The following RANBP17 variants were observed in gnomAD, a reference collection of about 807,000 sequenced individuals.
RANBP17 encodes ran-binding protein 17.
In RANBP17, 158 loss-of-function variants were observed where a neutral mutation model predicts 141.2. That is an observed-to-expected ratio of 1.12 (90% CI 0.98 to 1.28). The LOEUF (loss-of-function observed/expected upper bound fraction) is 1.28. RANBP17 is among the 50% of genes most tolerant of loss of function. The pLI is 0.00. For missense variants in RANBP17, 1,438 were observed against 1,290.7 expected (o/e 1.11, Z -1.75); for synonymous variants, 430 against 450.0 (o/e 0.96, Z 0.56).
chr5:170,918,829 G>C lies in RANBP17; in HGVS notation c.1071G>C (p.Leu357Phe). The C allele has an allele frequency of 6.3e-7, 1 of 1,583,014 alleles. No homozygotes were observed. The highest frequency in any genetic ancestry group is 8.6e-7 in the Non-Finnish European group (1 of 1,162,554). Reference sequence around the variant, plus strand: ...AGGAATATCCTGAAGTTATTAGATTGATTGCTAATTTTACCATTACTAGCC... The same window carrying C: ...AGGAATATCCTGAAGTTATTAGATTCATTGCTAATTTTACCATTACTAGCC... ...MVKEYPEVIR[L>F]IANFTITSLQ... Residue 357 changes from leucine to phenylalanine, a missense_variant, in exon 10 of 28, where the codon TTG becomes TTC. Leu to Phe is a conservative substitution (Grantham distance 22). Transcript: ENST00000523189.
chr5:171,235,456 C>G (rs1764484039), intron 22 of RANBP17, among the ~76,000 whole-genome samples: 1 of 151,430 alleles, frequency 6.6e-6, no homozygotes, highest in Non-Finnish European at 1.5e-5. Context: ...TGTCTTTAAG[C>G]ACATAAGAGA....
chr5:171,290,298 G>A (rs1452626147), intron 25 of RANBP17, among the ~76,000 whole-genome samples: 1 of 152,066 alleles, frequency 6.6e-6, no homozygotes, highest in Non-Finnish European at 1.5e-5. Context: ...GAACCCGGGA[G>A]GCGGAGGTGC....
intron 14 of RANBP17, among the ~76,000 whole-genome samples, chr5:171,129,485 G>A (rs1005790849): frequency 2.0e-5 from 3 of 152,070 alleles, no homozygotes; most frequent in African/African-American, 7.2e-5. Flanking sequence ...CTTCAATCTG[G>A]CACTGTAGTC....
At position 171,060,595 on chromosome 5, in the gene RANBP17, G is replaced by A. The variant is rs575284598; in HGVS notation, c.1710+92218G>A. Among the ~76,000 whole-genome samples, 8 of 152,262 alleles carry A rather than the reference G, an allele frequency of 5.3e-5. No individual in the cohort carries two copies. The East Asian group carries it at 1.5e-3, about 29-fold the overall frequency. ...TTTTATTGAGGATTTTTGTATCAAT[G>A]TTCATCAAGGATATTGGTCTAAAAT... On this transcript the variant is annotated intron_variant, in intron 14 of 27. Coordinates refer to ENST00000523189, the MANE Select transcript of RANBP17 (RefSeq NM_022897.5).
At chr5:170,909,211 GAT>G (rs1255549485) in intron 5 of RANBP17, among the ~76,000 whole-genome samples, 3 of 151,812 alleles carry the variant, frequency 2.0e-5, no homozygotes, top group East Asian at 3.8e-4. Flanking sequence ...TAGTATCAAA[GAT>G]ATATGAACTA....
chr5:171,177,788 T>A (rs1168001703), intron 16 of RANBP17, among the ~76,000 whole-genome samples: 1 of 152,196 alleles, frequency 6.6e-6, no homozygotes, highest in Non-Finnish European at 1.5e-5. Context: ...GGTATGAATG[T>A]AATATAGTTT....
chr5:170,987,549 A>T (rs938840745), intron 14 of RANBP17, among the ~76,000 whole-genome samples: 1 of 151,666 alleles, frequency 6.6e-6, no homozygotes, highest in African/African-American at 2.4e-5. Context: ...TTTAAAAAAA[A>T]AATAATTTCT....
chr5:171,148,611 T>TAGAG (rs1317409490), intron 14 of RANBP17, among the ~76,000 whole-genome samples: 1 of 150,212 alleles, frequency 6.7e-6, no homozygotes, highest in Admixed American at 6.6e-5. Context: ...TATATATATA[T>TAGAG]ATATAGAGAG....
At chr5:171,095,044 G>T (rs1786579791) in intron 14 of RANBP17, among the ~76,000 whole-genome samples, 1 of 152,142 alleles carries the variant, frequency 6.6e-6, no homozygotes, top group Non-Finnish European at 1.5e-5. Flanking sequence ...ATAGCACAGA[G>T]GCCCTTGTCA....
At chr5:170,891,323 G>A (rs1029676294) in intron 3 of RANBP17, among the ~76,000 whole-genome samples, 4 of 152,188 alleles carry the variant, frequency 2.6e-5, no homozygotes, top group Non-Finnish European at 5.9e-5. Context: ...TTAGAAGTGG[G>A]ACTCAGAAGG....
intron 14 of RANBP17, among the ~76,000 whole-genome samples, chr5:171,100,258 A>G (rs1306583732): frequency 1.3e-5 from 2 of 152,100 alleles, no homozygotes; most frequent in African/African-American, 4.8e-5. Flanking sequence ...TTGATAGGCT[A>G]TTACTGCCTC....
chr5:170,992,943 G>A (rs1378466884), intron 14 of RANBP17, among the ~76,000 whole-genome samples: 7 of 152,016 alleles, frequency 4.6e-5, no homozygotes, highest in Non-Finnish European at 8.8e-5. Context: ...AGCCCTTCAC[G>A]TAATTCTGAT....
chr5:171,275,980 C>G (rs966285764), intron 25 of RANBP17, among the ~76,000 whole-genome samples: 2 of 152,126 alleles, frequency 1.3e-5, no homozygotes, highest in Non-Finnish European at 1.5e-5. Flanking sequence ...GTTTATGTAG[C>G]CTTTAGGCCG....
chr5:171,063,657 A>T (rs1043587822), intron 14 of RANBP17, among the ~76,000 whole-genome samples: 15 of 152,162 alleles, frequency 9.9e-5, no homozygotes, highest in Non-Finnish European at 2.2e-4. Flanking sequence ...TCAGATCTCA[A>T]ACTGCATGCT....
At chr5:171,052,976 C>A in intron 14 of RANBP17, among the ~76,000 whole-genome samples, 1 of 26,090 alleles carries the variant, frequency 3.8e-5, no homozygotes, top group Non-Finnish European at 1.1e-4. Context: ...CCTCAGCCTC[C>A]CAAGTAGCTA....
At chr5:171,107,832 A>T (rs1289504676) in intron 14 of RANBP17, among the ~76,000 whole-genome samples, 1 of 152,216 alleles carries the variant, frequency 6.6e-6, no homozygotes, top group Non-Finnish European at 1.5e-5. Flanking sequence ...AGTTAAATTG[A>T]TATGGTGAAG....
intron 14 of RANBP17, among the ~76,000 whole-genome samples, chr5:171,035,168 C>A (rs946534404): frequency 6.6e-6 from 1 of 151,948 alleles, no homozygotes; most frequent in African/African-American, 2.4e-5. Context: ...AAGGAAAAAT[C>A]TAAATAAAGT....
chr5:170,979,494 A>T (rs1307371957), intron 14 of RANBP17, among the ~76,000 whole-genome samples: 1 of 152,100 alleles, frequency 6.6e-6, no homozygotes, highest in Non-Finnish European at 1.5e-5. Context: ...CCCAAATCTC[A>T]CCTTGATTTC....
At chr5:171,263,013 T>C (rs1217490426) in intron 24 of RANBP17, among the ~76,000 whole-genome samples, 1 of 152,242 alleles carries the variant, frequency 6.6e-6, no homozygotes, top group Non-Finnish European at 1.5e-5. Context: ...GCTTTTAAAC[T>C]GTAGTGTTTT....
Sources: allele counts gnomAD v4.1 joint callset (sites outside exome capture counted in the v4.1 genomes callset), GRCh38; gene constraint gnomAD v4.1.1; transcripts MANE v1.5; gene names NCBI Gene and HGNC (gene_info 2026-07-23, HGNC 2026-07-21).